The following GRID2 variants were observed in gnomAD, a reference collection of about 807,000 sequenced individuals.
GRID2 encodes glutamate ionotropic receptor delta type subunit 2.
A neutral mutation model predicts 114.8 loss-of-function variants in GRID2; 33 were observed. The ratio of observed to expected loss-of-function variants is 0.29; its 90% CI spans 0.22 to 0.38. GRID2 has a LOEUF of 0.38. GRID2 is among the 10% of genes least tolerant of loss of function. The pLI is 1.00. For synonymous variants in GRID2, 505 were observed against 449.9 expected (o/e 1.12, Z -1.55); for missense variants, 1,184 against 1,257.7 (o/e 0.94, Z 0.89).
intron 2 of GRID2, among the ~76,000 whole-genome samples, chr4:93,082,600 G>A (rs1045207156): frequency 1.3e-5 from 2 of 152,260 alleles, no homozygotes; most frequent in African/African-American, 4.8e-5. Context: ...CAAAAGCACA[G>A]CAGGTAAAGC....
intron 14 of GRID2, among the ~76,000 whole-genome samples, chr4:93,682,944 A>AG (rs1327084040): frequency 2.0e-5 from 3 of 151,944 alleles, no homozygotes; most frequent in African/African-American, 7.2e-5. Context: ...TAATAAAAAA[A>AG]AAAGAAAGAA....
At chr4:93,544,606 C>T (rs1003906515) in intron 13 of GRID2, among the ~76,000 whole-genome samples, 9 of 151,506 alleles carry the variant, frequency 5.9e-5, no homozygotes, top group African/African-American at 1.5e-4. Flanking sequence ...GGAGAAACCC[C>T]GTCTCTACTA....
At chr4:92,851,063 A>C (rs190932270) in intron 2 of GRID2, among the ~76,000 whole-genome samples, 354 of 152,034 alleles carry the variant, frequency 2.3e-3, no homozygotes, top group African/African-American at 7.2e-3. Context: ...TATTACTGAA[A>C]TATTTTTAAT....
intron 1 of GRID2, among the ~76,000 whole-genome samples, chr4:92,334,038 G>C (rs1230797577): frequency 6.6e-6 from 1 of 152,122 alleles, no homozygotes; most frequent in Non-Finnish European, 1.5e-5. Flanking sequence ...GCTCCCACCA[G>C]GTATCCTGGT....
At chr4:93,609,307 T>C (rs1740682584) in intron 13 of GRID2, among the ~76,000 whole-genome samples, 1 of 82,216 alleles carries the variant, frequency 1.2e-5, no homozygotes, top group Non-Finnish European at 2.8e-5. Flanking sequence ...GCAGAAGCTC[T>C]TTAGTTTAAT....
At chr4:92,543,486 C>T (rs74741261) in intron 1 of GRID2, among the ~76,000 whole-genome samples, 3,755 of 152,152 alleles carry the variant, frequency 0.025, 154 homozygotes, top group African/African-American at 0.086. Context: ...ATCCTATTAG[C>T]CTTAATGAAA....
At chr4:93,200,590 CA>C (rs770426101) in intron 4 of GRID2, among the ~76,000 whole-genome samples, 1 of 151,422 alleles carries the variant, frequency 6.6e-6, no homozygotes, top group Non-Finnish European at 1.5e-5. Context: ...AACAAACAAA[CA>C]AAAAAACATT....
intron 7 of GRID2, among the ~76,000 whole-genome samples, chr4:93,227,167 C>T (rs987296713): frequency 6.6e-6 from 1 of 152,116 alleles, no homozygotes; most frequent in Admixed American, 6.6e-5. Flanking sequence ...GCACATCGCT[C>T]CTTTGTAGCC....
intron 1 of GRID2, among the ~76,000 whole-genome samples, chr4:92,358,003 G>A (rs1273725222): frequency 1.3e-5 from 2 of 151,928 alleles, no homozygotes; most frequent in Non-Finnish European, 2.9e-5. Context: ...GTATTTCATG[G>A]TGTAAGTAAC....
At chr4:93,180,107 A>G (rs1739742154) in intron 4 of GRID2, among the ~76,000 whole-genome samples, 1 of 152,048 alleles carries the variant, frequency 6.6e-6, no homozygotes. Context: ...CCTAAAGCCA[A>G]ATTGGATGCT....
intron 2 of GRID2, among the ~76,000 whole-genome samples, chr4:92,734,306 A>G (rs1354658898): frequency 6.6e-6 from 1 of 151,210 alleles, no homozygotes; most frequent in Non-Finnish European, 1.5e-5. Flanking sequence ...TTTTTTTTTA[A>G]GATAGGGTCT....
intron 10 of GRID2, among the ~76,000 whole-genome samples, chr4:93,436,209 G>T (rs1487445309): frequency 4.6e-5 from 7 of 152,120 alleles, no homozygotes; most frequent in Admixed American, 2.0e-4. Flanking sequence ...TGATTTTTTT[G>T]TGTGTGTGTT....
At chr4:92,700,549 C>T (rs1201145682) in intron 2 of GRID2, among the ~76,000 whole-genome samples, 1 of 152,150 alleles carries the variant, frequency 6.6e-6, no homozygotes, top group Non-Finnish European at 1.5e-5. Flanking sequence ...TTTATTTCCA[C>T]TTGTTCACTT....
chr4:92,656,472 T>TAAA (rs370868206), intron 2 of GRID2, among the ~76,000 whole-genome samples: 1 of 145,246 alleles, frequency 6.9e-6, no homozygotes, highest in Non-Finnish European at 1.5e-5. Context: ...AAAGAAAAAT[T>TAAA]AAAAAAAAAA....
At chr4:92,329,620 T>C (rs1419344542) in intron 1 of GRID2, among the ~76,000 whole-genome samples, 1 of 152,038 alleles carries the variant, frequency 6.6e-6, no homozygotes, top group Non-Finnish European at 1.5e-5. Flanking sequence ...ATTGATTATT[T>C]TGATATTTAG....
At chr4:92,481,993 TA>T (rs1722623151) in intron 1 of GRID2, among the ~76,000 whole-genome samples, 3 of 46,638 alleles carry the variant, frequency 6.4e-5, no homozygotes, top group Admixed American at 2.0e-4. Context: ...TATATATATA[TA>T]TATATATATA....
At chr4:93,395,803 A>G (rs1429902599) in intron 9 of GRID2, 95 bp downstream of exon 9, 1 of 560,950 alleles carries the variant, frequency 1.8e-6, no homozygotes, top group Non-Finnish European at 3.3e-6. Context: ...CTTAAAAGAG[A>G]TTTTAACAAA....
intron 2 of GRID2, among the ~76,000 whole-genome samples, chr4:92,807,749 C>T (rs1299478558): frequency 2.0e-5 from 3 of 151,932 alleles, no homozygotes; most frequent in African/African-American, 4.8e-5. Context: ...ATTATAACAA[C>T]TTCACGTTCT....
intron 1 of GRID2, among the ~76,000 whole-genome samples, chr4:92,327,275 G>A (rs1015509818): frequency 6.6e-6 from 1 of 151,908 alleles, no homozygotes; most frequent in Admixed American, 6.6e-5. Context: ...TCAGTATCAA[G>A]TAGTTGAAGC....
Sources: gnomAD v4.1 joint callset for allele counts (sites outside exome capture counted in the v4.1 genomes callset) on GRCh38, gnomAD v4.1.1 for gene constraint, MANE v1.5 for transcripts, NCBI Gene and HGNC (gene_info 2026-07-23, HGNC 2026-07-21) for gene names.